ATP2B4: variants seen among roughly 807,000 people sequenced by gnomAD.
The protein encoded by ATP2B4 is plasma membrane calcium-transporting ATPase 4.
A neutral mutation model predicts 110.3 loss-of-function variants in ATP2B4; 39 were observed. That is an observed-to-expected ratio of 0.35 (90% confidence interval 0.27 to 0.46). ATP2B4 has a LOEUF of 0.46. Ranked by LOEUF, ATP2B4 falls within the 20% of genes least tolerant of loss-of-function variation. The pLI is 1.00. For synonymous variants in ATP2B4, 538 were observed against 571.7 expected, an observed-to-expected ratio of 0.94 and a Z score of 0.84; for missense variants, 1,135 against 1,530.9, an observed-to-expected ratio of 0.74 and a Z score of 4.32.
rs771344522 is a variant in ATP2B4, at chr1:203,707,206, C to A, written c.1297C>A (p.Leu433Met). The A allele has an allele frequency of 2.5e-6, 4 of 1,613,784 alleles. No individual in the cohort carries two copies. Among genetic ancestry groups the A allele is most frequent in the Non-Finnish European group, 2.5e-6 (3 of 1,179,870 alleles). The change falls in exon 9 of 21, where the codon CTG (leucine) becomes ATG (methionine). Residue 433 changes from leucine to methionine, a missense_variant. Coordinates refer to ENST00000357681, the MANE Select transcript of ATP2B4 (RefSeq NM_001684.5). ...EGLPLAVTISLAYSVKKMMKD... is the reference protein window; with the variant it reads ...EGLPLAVTISMAYSVKKMMKD... Reference sequence around the variant, plus strand: ...GCTGCCTCTGGCTGTCACCATCTCACTGGCCTACTCTGTGAAGGTGAGACT... The same window carrying A: ...GCTGCCTCTGGCTGTCACCATCTCAATGGCCTACTCTGTGAAGGTGAGACT...
chr1:203,713,996 C>A (rs1319779444), intron 14 of ATP2B4, among the ~76,000 whole-genome samples, 175 bp from the exon 15 acceptor site: 3 of 152,060 alleles, frequency 2.0e-5, no homozygotes, highest in Admixed American at 2.0e-4. Flanking sequence ...CGGATGAGGA[C>A]AAACTTAGTT....
chr1:203,692,122 C>G (rs527484008), intron 2 of ATP2B4, among the ~76,000 whole-genome samples: 1 of 152,026 alleles, frequency 6.6e-6, no homozygotes, highest in Admixed American at 6.5e-5. Flanking sequence ...CCTCATGATC[C>G]GCCCGCCTCG....
chr1:203,700,736 T>C, intron 5 of ATP2B4, 62 bp from the exon 6 acceptor site: 1 of 1,600,070 alleles, frequency 6.2e-7, no homozygotes, highest in South Asian at 1.1e-5. Context: ...TTGTGTTTCA[T>C]ACCAAATCAT....
At chr1:203,667,901 G>A (rs1340160503) in intron 1 of ATP2B4, among the ~76,000 whole-genome samples, 1 of 152,200 alleles carries the variant, frequency 6.6e-6, no homozygotes. Flanking sequence ...CCTCTCTGGT[G>A]ATGAAGATCT....
intron 18 of ATP2B4, among the ~76,000 whole-genome samples, chr1:203,723,420 A>ATCTCACTCTC (rs1666399036): frequency 2.2e-5 from 1 of 44,538 alleles, no homozygotes; most frequent in Non-Finnish European, 3.9e-5. Context: ...TGAGACAGAT[A>ATCTCACTCTC]TCTCTCTCTC....
intron 1 of ATP2B4, among the ~76,000 whole-genome samples, chr1:203,645,288 T>C (rs1663759913): frequency 1.3e-5 from 2 of 152,166 alleles, no homozygotes; most frequent in Admixed American, 6.5e-5. Context: ...ACTCAGCCCC[T>C]GTCATCCTGC....
At chr1:203,657,409 T>G in intron 1 of ATP2B4, 2 of 759,170 alleles carry the variant, frequency 2.6e-6, no homozygotes, top group Non-Finnish European at 4.8e-6. Context: ...TTTCCCACCT[T>G]CTCTTTTCAT....
chr1:203,675,302 C>T (rs1362383379), intron 1 of ATP2B4, among the ~76,000 whole-genome samples: 3 of 152,224 alleles, frequency 2.0e-5, no homozygotes, highest in Admixed American at 1.3e-4. Context: ...CTTCTGAAGG[C>T]ATCTGACCAG....
At position 203,671,076 on chromosome 1, in the gene ATP2B4, C is replaced by A. The variant is rs558387794; in HGVS notation, c.-464-11666C>A. 1.1e-4 allele frequency among the ~76,000 whole-genome samples: 17 copies of A among 152,292 alleles called. No individual in the cohort carries two copies. The East Asian group carries it at 3.3e-3, about 29-fold the overall frequency. The stretch of plus-strand genomic sequence containing the variant: ...ATCTCCTAATAAGTGTATACCAATC[C>A]AAAAGAAGCTGGAATAAGGTGGGGA... On this transcript the variant is annotated intron_variant, in intron 1 of 20. Coordinates refer to ENST00000357681, the MANE Select transcript of ATP2B4 (RefSeq NM_001684.5).
intron 1 of ATP2B4, among the ~76,000 whole-genome samples, chr1:203,664,843 T>C (rs933324454): frequency 6.6e-6 from 1 of 152,196 alleles, no homozygotes; most frequent in Admixed American, 6.5e-5. Flanking sequence ...TATTTTATTT[T>C]ATTTTTGAGA....
At position 203,703,816 on chromosome 1, in the gene ATP2B4, G is replaced by A. The variant is rs1483567666; in HGVS notation, c.1099+3G>A. The A allele has an allele frequency of 6.2e-7, 1 of 1,613,524 alleles. No individual in the cohort carries two copies. Among genetic ancestry groups the A allele is most frequent in the Admixed American group, 1.7e-5 (1 of 59,972 alleles). ...GGCTGTTCAGATTGGGAAAGCCGGT[G>A]AGTAGGGTAGAGCCTCGTTGTGGTT... On this transcript the variant is annotated splice_donor_region_variant and intron_variant, in intron 8 of 20. Coordinates refer to ENST00000357681, the MANE Select transcript of ATP2B4 (RefSeq NM_001684.5).
chr1:203,667,166 G>A (rs4291559), intron 1 of ATP2B4, among the ~76,000 whole-genome samples: 109,748 of 152,014 alleles, frequency 0.72, 43,175 homozygotes, highest in Non-Finnish European at 0.88. Flanking sequence ...TGCTCCAGCT[G>A]GTCTCGAACT....
chr1:203,727,522 G>T lies in ATP2B4; in HGVS notation c.3260G>T (p.Arg1087Leu). 1.9e-6 allele frequency: 3 copies of T among 1,614,206 alleles called. No homozygotes were observed. The highest frequency in any genetic ancestry group is 1.7e-6 in the Non-Finnish European group (2 of 1,180,014). ...DEIDHAEMEL[R>L]RGQILWFRGL... Reference sequence around the variant, plus strand: ...ATTGACCATGCTGAGATGGAGCTGCGCCGAGGCCAGATCCTCTGGTTCCGG... The same window carrying T: ...ATTGACCATGCTGAGATGGAGCTGCTCCGAGGCCAGATCCTCTGGTTCCGG... Residue 1087 changes from arginine (R) to leucine (L), a missense_variant, in exon 20 of 21, where the codon CGC (arginine) becomes CTC (leucine). By Grantham distance (102) the Arg-to-Leu change is moderately radical. This residue lies in a region of ATP2B4 where 61 missense variants were observed against 123.4 expected (regional missense o/e 0.49). Coordinates refer to ENST00000357681, the MANE Select transcript of ATP2B4 (RefSeq NM_001684.5).
intron 2 of ATP2B4, among the ~76,000 whole-genome samples, chr1:203,686,655 T>A (rs1665189017): frequency 6.8e-6 from 1 of 147,810 alleles, no homozygotes; most frequent in Non-Finnish European, 1.5e-5. Context: ...ATCACAAATA[T>A]GTGTCCTGGT....
At chr1:203,701,936 C>G in intron 6 of ATP2B4, 108 bp from the exon 7 acceptor site, 1 of 1,150,378 alleles carries the variant, frequency 8.7e-7, no homozygotes, top group Non-Finnish European at 1.3e-6. Flanking sequence ...CCCTGCAACC[C>G]AAACACTTTG....
intron 19 of ATP2B4, 129 bp downstream of exon 19, chr1:203,724,117 AC>A (rs1167106163): frequency 4.4e-6 from 3 of 682,258 alleles, no homozygotes; most frequent in Non-Finnish European, 7.0e-6. Flanking sequence ...TTCCCTCCCC[AC>A]CCCCACTCAA....
chr1:203,658,948 G>A (rs1664250368), intron 1 of ATP2B4, among the ~76,000 whole-genome samples: 1 of 151,956 alleles, frequency 6.6e-6, no homozygotes, highest in South Asian at 2.1e-4. Context: ...AGGTTGCAGT[G>A]AGCCGAGATC....
At chr1:203,687,995 ATT>A (rs1665250430) in intron 2 of ATP2B4, among the ~76,000 whole-genome samples, 2 of 8,686 alleles carry the variant, frequency 2.3e-4, no homozygotes, top group South Asian at 4.3e-3. Flanking sequence ...AGAGAAAGAG[ATT>A]ATTATTATTA....
At chr1:203,675,685 G>C (rs1664808300) in intron 1 of ATP2B4, among the ~76,000 whole-genome samples, 1 of 152,218 alleles carries the variant, frequency 6.6e-6, no homozygotes, top group African/African-American at 2.4e-5. Flanking sequence ...GGTGCTGTCA[G>C]AGTAGCAGAC....
Sources: allele counts gnomAD v4.1 joint callset (sites outside exome capture counted in the v4.1 genomes callset), GRCh38; gene constraint gnomAD v4.1.1; regional missense constraint gnomAD v4.1.1; transcripts MANE v1.5; gene names NCBI Gene and HGNC (gene_info 2026-07-23, HGNC 2026-07-21).